The following PID1 variants were observed in gnomAD, a reference collection of about 807,000 sequenced individuals.
PID1 encodes PTB-containing, cubilin and LRP1-interacting protein.
PID1 carries 10 observed loss-of-function variants against 19.1 expected under a neutral mutation model. The ratio of observed to expected loss-of-function variants is 0.52; its 90% CI spans 0.32 to 0.89. The LOEUF is 0.89. Among genes scored for constraint, PID1 ranks in the 40% least tolerant of loss-of-function variants. The probability of loss-of-function intolerance (pLI) is 0.03; values close to 1 mark genes in which losing one functional copy is unlikely to be tolerated. For synonymous variants in PID1, 130 were observed against 116.0 expected (o/e 1.12, Z -0.78); for missense variants, 248 against 285.3 (o/e 0.87, Z 0.94).
At chr2:229,263,002 A>G in intron 1 of PID1, 1 of 1,111,312 alleles carries the variant, frequency 9.0e-7, no homozygotes, top group Middle Eastern at 3.2e-4. Flanking sequence ...AGCTACATTC[A>G]CAGGTACCAG....
chr2:229,078,563 A>G (rs1282546841), intron 2 of PID1, among the ~76,000 whole-genome samples: 2 of 152,170 alleles, frequency 1.3e-5, no homozygotes, highest in Non-Finnish European at 2.9e-5. Context: ...ATTTTGAGAT[A>G]TGTTCCATCA....
chr2:229,204,443 CT>C (rs1691563707), intron 1 of PID1, among the ~76,000 whole-genome samples: 1 of 152,064 alleles, frequency 6.6e-6, no homozygotes, highest in Non-Finnish European at 1.5e-5. Context: ...TCACTGACCT[CT>C]TGAAGAATCA....
At chr2:229,228,173 C>T (rs1419944) in intron 1 of PID1, 124,338 of 390,904 alleles carry the variant, frequency 0.32, 21,578 homozygotes, top group East Asian at 0.66. Context: ...CAAATAAAAC[C>T]GATACAAGCA....
intron 1 of PID1, among the ~76,000 whole-genome samples, chr2:229,257,328 T>A (rs1690327878): frequency 6.6e-6 from 1 of 152,214 alleles, no homozygotes; most frequent in African/African-American, 2.4e-5. Context: ...CTCGTGTGAC[T>A]TCCTCTAGCC....
chr2:229,144,764 G>A (rs560553070), intron 2 of PID1, among the ~76,000 whole-genome samples: 23 of 152,118 alleles, frequency 1.5e-4, no homozygotes, highest in Admixed American at 9.8e-4. Flanking sequence ...AAATAATTAC[G>A]ATCACTTCTT....
rs1439467649 is a variant in PID1, at chr2:229,184,434, A to ATATATATATAGCCCG, written c.31-28485_31-28471dup. Among the ~76,000 whole-genome samples the ATATATATATAGCCCG allele has an allele frequency of 1.2e-4, 3 of 25,666 alleles. 1 individual carries two copies. The highest frequency in any genetic ancestry group is 1.9e-3 in the East Asian group (2 of 1,062). 16.8% of individuals were successfully genotyped at this position (25,666 alleles called of 152,430 possible). A position where few individuals can be genotyped will look rare whatever the true frequency, so the allele number is the denominator to read the frequency against. ...TCTATCCCGTATATATATAGCCCGTATATATATATAGCCCGTATATATATA... is the reference window on the plus strand; with the variant it reads ...TCTATCCCGTATATATATAGCCCGTATATATATATAGCCCGTATATATATAGCCCGTATATATATA... On this transcript the variant is annotated intron_variant, in intron 1 of 2. Coordinates refer to ENST00000392055, the MANE Select transcript of PID1 (RefSeq NM_001100818.2).
At chr2:229,262,439 G>C (rs1206426975) in intron 1 of PID1, among the ~76,000 whole-genome samples, 1 of 151,976 alleles carries the variant, frequency 6.6e-6, no homozygotes, top group East Asian at 1.9e-4. Context: ...GTTGTTTGCT[G>C]TTTTCATTTT....
chr2:229,153,984 T>C (rs1690312853), intron 2 of PID1, among the ~76,000 whole-genome samples: 1 of 152,184 alleles, frequency 6.6e-6, no homozygotes, highest in Non-Finnish European at 1.5e-5. Context: ...GAATTTGATC[T>C]CATATCACTT....
chr2:229,114,777 T>C (rs937316286), intron 2 of PID1, among the ~76,000 whole-genome samples: 14 of 152,326 alleles, frequency 9.2e-5, no homozygotes, highest in African/African-American at 3.4e-4. Flanking sequence ...TATACACTTG[T>C]CTTCTTCCAC....
At chr2:229,100,343 T>C (rs1454357900) in intron 2 of PID1, among the ~76,000 whole-genome samples, 2 of 152,224 alleles carry the variant, frequency 1.3e-5, no homozygotes, top group Non-Finnish European at 2.9e-5. Context: ...TAATTCCCTA[T>C]GCTAATTTAA....
In PID1 at chr2:229,025,987, T is replaced by C. The variant is rs752906895; in HGVS notation, c.299A>G (p.Asn100Ser). 2.5e-6 allele frequency: 4 copies of C among 1,614,218 alleles called. No homozygotes were observed. In the South Asian group the frequency reaches 3.3e-5, roughly 13 times the overall value. ...TLAREDVFPANALLEIRPFQV... is the reference protein window; with the variant it reads ...TLAREDVFPASALLEIRPFQV... The stretch of plus-strand genomic sequence containing the variant: ...GAATGGCCGGATTTCCAGGAGGGCA[T>C]TGGCCGGAAAGACATCCTCTCGGGC... Residue 100 changes from asparagine to serine, a missense_variant, in exon 3 of 3, where the codon AAT (asparagine) becomes AGT (serine). By Grantham distance (46) the Asn-to-Ser change is conservative. Coordinates refer to ENST00000392055, the MANE Select transcript of PID1 (RefSeq NM_001100818.2).
chr2:229,063,634 G>A (rs1468664720), intron 2 of PID1, among the ~76,000 whole-genome samples: 1 of 151,918 alleles, frequency 6.6e-6, no homozygotes, highest in Non-Finnish European at 1.5e-5. Flanking sequence ...ATATCTGTTA[G>A]GTCCATTTGA....
At chr2:229,266,937 C>G (rs1190032222) in intron 1 of PID1, among the ~76,000 whole-genome samples, 1 of 152,190 alleles carries the variant, frequency 6.6e-6, no homozygotes, top group Non-Finnish European at 1.5e-5. Context: ...TGGGCCAGGG[C>G]TAATGGTCTC....
chr2:229,119,661 G>T (rs368354856), intron 2 of PID1, among the ~76,000 whole-genome samples: 6 of 152,204 alleles, frequency 3.9e-5, no homozygotes, highest in African/African-American at 1.2e-4. Flanking sequence ...CTTGGAAGAA[G>T]CAGGATATGA....
At chr2:229,146,483 TTAAAG>T (rs1477131791) in intron 2 of PID1, among the ~76,000 whole-genome samples, 18 of 152,130 alleles carry the variant, frequency 1.2e-4, no homozygotes, top group African/African-American at 4.3e-4. Context: ...ATCCCAGAAC[TTAAAG>T]TAAATTTTTA....
chr2:229,044,403 C>G (rs572664197), intron 2 of PID1, among the ~76,000 whole-genome samples: 1 of 152,224 alleles, frequency 6.6e-6, no homozygotes, highest in South Asian at 2.1e-4. Context: ...TGCACTCCAC[C>G]ACCACCTGGC....
intron 2 of PID1, among the ~76,000 whole-genome samples, chr2:229,038,030 C>T (rs181034433): frequency 6.6e-6 from 1 of 152,200 alleles, no homozygotes; most frequent in East Asian, 1.9e-4. Context: ...TCACAGAAGG[C>T]ACTAAACATT....
At chr2:229,197,350 G>A (rs1691399477) in intron 1 of PID1, among the ~76,000 whole-genome samples, 1 of 151,904 alleles carries the variant, frequency 6.6e-6, no homozygotes, top group Non-Finnish European at 1.5e-5. Context: ...AGTATTTTTT[G>A]TGTTACAGCA....
chr2:229,059,673 T>C (rs1326622353), intron 2 of PID1, among the ~76,000 whole-genome samples: 4 of 152,224 alleles, frequency 2.6e-5, no homozygotes, highest in Non-Finnish European at 5.9e-5. Context: ...AAGTTTACTG[T>C]GTAAGTGCTA....
Sources: gnomAD v4.1 joint callset for allele counts (sites outside exome capture counted in the v4.1 genomes callset) on GRCh38, gnomAD v4.1.1 for gene constraint, MANE v1.5 for transcripts, NCBI Gene and HGNC (gene_info 2026-07-23, HGNC 2026-07-21) for gene names.